Variants in ACTR3 observed in about 807,000 individuals in gnomAD.
ACTR3 encodes actin related protein 3.
In ACTR3, 12 loss-of-function variants were observed where a neutral mutation model predicts 56.8. The ratio of observed to expected loss-of-function variants is 0.21; its 90% CI spans 0.14 to 0.34. The LOEUF is 0.34. Among genes scored for constraint, ACTR3 ranks in the 10% least tolerant of loss-of-function variants. The pLI, the probability that ACTR3 is intolerant of heterozygous loss-of-function variation, is 1.00. For synonymous variants in ACTR3, 162 were observed against 167.4 expected, an observed-to-expected ratio of 0.97 and a Z score of 0.25; for missense variants, 282 against 512.5, an observed-to-expected ratio of 0.55 and a Z score of 4.34.
intron 1 of ACTR3, among the ~76,000 whole-genome samples, chr2:113,898,606 A>T (rs1042816834): frequency 6.6e-6 from 1 of 152,208 alleles, no homozygotes; most frequent in African/African-American, 2.4e-5. Flanking sequence ...CACATGAGAA[A>T]CTAATTTTAT....
At chr2:113,950,205 C>T (rs1176191047) in intron 8 of ACTR3, among the ~76,000 whole-genome samples, 1 of 152,148 alleles carries the variant, frequency 6.6e-6, no homozygotes, top group Non-Finnish European at 1.5e-5. Context: ...CATTTATATT[C>T]AATAGCACTA....
rs764622184 is a variant in ACTR3 at position 113,942,342 on chromosome 2, A to G, written c.841A>G (p.Ile281Val). The G allele has an allele frequency of 1.9e-6, 3 of 1,575,506 alleles. No individual in the cohort carries two copies. Among genetic ancestry groups the G allele is most frequent in the East Asian group, 4.6e-5 (2 of 43,748 alleles). ...VGYERFLGPEIFFHPEFANPD... is the reference protein window; with the variant it reads ...VGYERFLGPEVFFHPEFANPD... ...TTATGAGAGATTTTTGGGACCTGAA[A>G]TCTTTTTTCATCCAGAGGTAATTTT... The change falls in exon 8 of 12, where the codon ATC becomes GTC. Residue 281 changes from isoleucine (I) to valine (V), a missense_variant. Transcript: ENST00000263238.
At chr2:113,937,007 A>C (rs1395780618) in intron 6 of ACTR3, among the ~76,000 whole-genome samples, 1 of 152,150 alleles carries the variant, frequency 6.6e-6, no homozygotes, top group Non-Finnish European at 1.5e-5. Flanking sequence ...CCCTATCTCC[A>C]AAAAACAGTC....
intron 1 of ACTR3, among the ~76,000 whole-genome samples, chr2:113,891,135 T>C (rs1297406796): frequency 6.6e-6 from 1 of 152,174 alleles, no homozygotes; most frequent in Non-Finnish European, 1.5e-5. Flanking sequence ...ACTAGAACTT[T>C]TAAGCAGGTT....
chr2:113,943,110 T>C (rs1397427568), intron 8 of ACTR3, among the ~76,000 whole-genome samples: 2 of 152,222 alleles, frequency 1.3e-5, no homozygotes, highest in African/African-American at 4.8e-5. Flanking sequence ...AGATGAGTAT[T>C]TAAACACGTA....
chr2:113,931,470 C>CTTTT, intron 5 of ACTR3, 74 bp downstream of exon 5: 4 of 687,556 alleles, frequency 5.8e-6, no homozygotes, highest in South Asian at 6.9e-5. Flanking sequence ...AAAATACGTA[C>CTTTT]TTTTTTTTTT....
intron 6 of ACTR3, among the ~76,000 whole-genome samples, chr2:113,938,864 C>T (rs1307460187): frequency 7.2e-5 from 11 of 152,150 alleles, no homozygotes; most frequent in African/African-American, 2.7e-4. Flanking sequence ...ATATCCCTAA[C>T]TTAATGAGAC....
chr2:113,906,000 T>G (rs767089580), intron 1 of ACTR3, among the ~76,000 whole-genome samples: 1 of 152,252 alleles, frequency 6.6e-6, no homozygotes, highest in African/African-American at 2.4e-5. Flanking sequence ...TTCAGTTCTT[T>G]TGGGTATATA....
intron 7 of ACTR3, 82 bp downstream of exon 7, chr2:113,940,184 G>A: frequency 2.5e-6 from 3 of 1,200,440 alleles, no homozygotes; most frequent in Non-Finnish European, 3.5e-6. Context: ...TTTAATAGAA[G>A]AAGAGTACTT....
intron 6 of ACTR3, among the ~76,000 whole-genome samples, chr2:113,936,583 G>T (rs527434906): frequency 1.3e-5 from 2 of 152,150 alleles, no homozygotes; most frequent in South Asian, 4.1e-4. Flanking sequence ...TCTAGTCTTT[G>T]TTCTTATATT....
intron 3 of ACTR3, among the ~76,000 whole-genome samples, chr2:113,924,637 C>T (rs1679582428): frequency 6.6e-6 from 1 of 152,154 alleles, no homozygotes. Context: ...ACTGGTATAT[C>T]TCTCTACGCA....
intron 1 of ACTR3, among the ~76,000 whole-genome samples, chr2:113,897,822 A>G (rs1442360607): frequency 6.6e-6 from 1 of 152,026 alleles, no homozygotes; most frequent in Non-Finnish European, 1.5e-5. Context: ...CCCCAACCCT[A>G]ATACATACCT....
At chr2:113,908,431 C>G (rs939541126) in intron 1 of ACTR3, among the ~76,000 whole-genome samples, 1 of 151,644 alleles carries the variant, frequency 6.6e-6, no homozygotes, top group Admixed American at 6.6e-5. Context: ...GGCTAGTTTA[C>G]ATTTGAAAAG....
intron 4 of ACTR3, among the ~76,000 whole-genome samples, chr2:113,929,812 G>C (rs1228237521): frequency 6.6e-6 from 1 of 152,008 alleles, no homozygotes. Flanking sequence ...CTGAGTAGCT[G>C]GGATTACAGG....
At chr2:113,929,367 T>A (rs966532381) in intron 4 of ACTR3, among the ~76,000 whole-genome samples, 4 of 151,950 alleles carry the variant, frequency 2.6e-5, no homozygotes, top group African/African-American at 7.3e-5. Context: ...CTTGAACTCC[T>A]GGGCTCCAAG....
chr2:113,934,232 G>GTTTTTTTTTTTTTTT, intron 5 of ACTR3, 47 bp from the exon 6 acceptor site: 2 of 954,512 alleles, frequency 2.1e-6, no homozygotes, highest in East Asian at 3.2e-5. Flanking sequence ...TTGTTTTTTT[G>GTTTTTTTTTTTTTTT]TTTTTTTTTT....
intron 5 of ACTR3, chr2:113,934,060 A>T: frequency 4.1e-6 from 2 of 483,016 alleles, no homozygotes; most frequent in Non-Finnish European, 7.2e-6. Flanking sequence ...TGCTCCTAAA[A>T]GCAAATGTAA....
intron 1 of ACTR3, among the ~76,000 whole-genome samples, chr2:113,905,686 C>A (rs1274420310): frequency 1.3e-5 from 2 of 152,134 alleles, no homozygotes; most frequent in Admixed American, 6.5e-5. Flanking sequence ...CAGGCAAATA[C>A]CATTCCACTT....
At chr2:113,946,968 CT>C (rs1324792682) in intron 8 of ACTR3, among the ~76,000 whole-genome samples, 8 of 152,130 alleles carry the variant, frequency 5.3e-5, no homozygotes, top group South Asian at 2.1e-4. Context: ...TTTTTGCCCC[CT>C]GATTCATCCT....
Sources: allele counts gnomAD v4.1 joint callset (sites outside exome capture counted in the v4.1 genomes callset), GRCh38; gene constraint gnomAD v4.1.1; transcripts MANE v1.5; gene names NCBI Gene and HGNC (gene_info 2026-07-23, HGNC 2026-07-21).